AGAP1: variants seen among roughly 807,000 people sequenced by gnomAD.
The protein encoded by AGAP1 is arf-GAP with GTPase, ANK repeat and PH domain-containing protein 1.
In AGAP1, 29 loss-of-function variants were observed where a neutral mutation model predicts 105.3. That is an observed-to-expected ratio of 0.28 (90% CI 0.21 to 0.38). The LOEUF is 0.38. Among genes scored for constraint, AGAP1 ranks in the 10% least tolerant of loss-of-function variants. AGAP1 has a pLI of 1.00. For missense variants in AGAP1, 998 were observed against 1,165.1 expected, an observed-to-expected ratio of 0.86 and a Z score of 2.09; for synonymous variants, 509 against 485.9, an observed-to-expected ratio of 1.05 and a Z score of -0.63.
In AGAP1 at chr2:235,701,695, C is replaced by T. The variant is rs540842321; in HGVS notation, c.164-7484C>T. On this transcript the variant is annotated intron_variant, in intron 1 of 17. Transcript: ENST00000304032. This position sits in a 1 kb window ranked among gnomAD's most constrained non-coding sequence, Gnocchi z 4.1. ...GCTGGTGAACTTCTGCTAAGTCCTA[C>T]ATTTGAAAGTCATCAGCGGATTATG... is the stretch of plus-strand genomic sequence containing the variant. Among the ~76,000 whole-genome samples, 173 of 152,302 alleles carry T rather than the reference C, an allele frequency of 1.1e-3. No homozygotes were observed. Among genetic ancestry groups the T allele is most frequent in the Non-Finnish European group, 2.2e-3 (149 of 68,022 alleles).
rs1338476576 is a variant in AGAP1, at chr2:235,692,201, C to T, written c.164-16978C>T. Among the ~76,000 whole-genome samples the T allele has an allele frequency of 6.6e-6, 1 of 152,128 alleles. No homozygotes were observed. The highest frequency in any genetic ancestry group is 1.5e-5 in the Non-Finnish European group (1 of 68,010). Reference sequence around the variant, plus strand: ...GGCAGATGCCCCTACCTGGCCAGGTCTCGTCGTGTCTAGGTGGTGACAGCC... The same window carrying T: ...GGCAGATGCCCCTACCTGGCCAGGTTTCGTCGTGTCTAGGTGGTGACAGCC... On this transcript the variant is annotated intron_variant, in intron 1 of 17. Coordinates refer to ENST00000304032, the MANE Select transcript of AGAP1 (RefSeq NM_001037131.3). This position sits in a 1 kb window ranked among gnomAD's most constrained non-coding sequence, Gnocchi z 5.8.
intron 1 of AGAP1, among the ~76,000 whole-genome samples, chr2:235,544,174 G>T (rs1357887027): frequency 6.6e-6 from 1 of 152,216 alleles, no homozygotes; most frequent in Non-Finnish European, 1.5e-5. Flanking sequence ...ATGTCTTTAT[G>T]AGGGGTGACA....
intron 5 of AGAP1, among the ~76,000 whole-genome samples, chr2:235,746,377 C>CTTTTTCTTTTTTT (rs1553620164): frequency 1.3e-4 from 7 of 55,546 alleles, no homozygotes; most frequent in Non-Finnish European, 2.1e-4. Flanking sequence ...CCTCCCCCAA[C>CTTTTTCTTTTTTT]TTTTTTTTTT....
Position 235,700,834 on chromosome 2 carries a change from A to T in AGAP1, c.164-8345A>T, listed in dbSNP as rs1402202610. Among the ~76,000 whole-genome samples, 1 of 148,568 alleles carries T rather than the reference A, an allele frequency of 6.7e-6. No homozygotes were observed. The highest frequency in any genetic ancestry group is 2.5e-5 in the African/African-American group (1 of 40,690). Reference sequence around the variant, plus strand: ...CTCTCTCTCTCTGTGTATATATAGTATATATTATATATGTATATATTGTAT... The same window carrying T: ...CTCTCTCTCTCTGTGTATATATAGTTTATATTATATATGTATATATTGTAT... On this transcript the variant is annotated intron_variant, in intron 1 of 17. Transcript: ENST00000304032. This position sits in a 1 kb window ranked among gnomAD's most constrained non-coding sequence, Gnocchi z 6.1.
At position 235,864,814 on chromosome 2, in the gene AGAP1, AC is replaced by A. The variant is rs2049082919; in HGVS notation, c.1051-18527del. 6.6e-6 allele frequency among the ~76,000 whole-genome samples: 1 copy of A among 152,014 alleles called. No homozygotes were observed. Among genetic ancestry groups the A allele is most frequent in the Non-Finnish European group, 1.5e-5 (1 of 68,004 alleles). ...GGAGGAGGTTTGGTTTGGTCTTAGT[AC>A]CCCAGCATACAGTAGCTTCATTGGC... On this transcript the variant is annotated intron_variant, in intron 9 of 17. Transcript: ENST00000304032. This position sits in a 1 kb window ranked among gnomAD's most constrained non-coding sequence, Gnocchi z 5.0.
At chr2:235,986,498 C>T (rs1271342259) in intron 13 of AGAP1, among the ~76,000 whole-genome samples, 2 of 152,108 alleles carry the variant, frequency 1.3e-5, no homozygotes, top group Non-Finnish European at 2.9e-5. Flanking sequence ...ACCAGAAATT[C>T]CATTACTATG....
intron 11 of AGAP1, among the ~76,000 whole-genome samples, chr2:235,923,300 C>G (rs2052275224): frequency 6.6e-6 from 1 of 152,200 alleles, no homozygotes; most frequent in Non-Finnish European, 1.5e-5. Context: ...CCTTGTACAA[C>G]CCTGTTCTGT....
At chr2:235,778,180 C>A (rs546736895) in intron 6 of AGAP1, among the ~76,000 whole-genome samples, 160 of 152,316 alleles carry the variant, frequency 1.1e-3, no homozygotes, top group African/African-American at 3.8e-3. Context: ...CCCCTCCCTT[C>A]CTCCCTGTGG....
rs992116984 is a variant in AGAP1 at position 235,887,755 on chromosome 2, C to G, written c.1155+4306C>G. Among the ~76,000 whole-genome samples the G allele has an allele frequency of 6.6e-6, 1 of 152,158 alleles. No homozygotes were observed. Among genetic ancestry groups the G allele is most frequent in the Non-Finnish European group, 1.5e-5 (1 of 68,042 alleles). On this transcript the variant is annotated intron_variant, in intron 10 of 17. Transcript: ENST00000304032. The surrounding 1 kb of genome is among the most constrained non-coding windows in gnomAD (Gnocchi z 4.1). ...CAATAGTGAGGTTGCTGCACCGATTCCTGGTGTATACCACTAATTTAAGAA... is the reference window on the plus strand; with the variant it reads ...CAATAGTGAGGTTGCTGCACCGATTGCTGGTGTATACCACTAATTTAAGAA...
Position 235,543,303 on chromosome 2 carries a change from C to T in AGAP1, c.163+48454C>T, listed in dbSNP as rs142706761. On this transcript the variant is annotated intron_variant, in intron 1 of 17. Coordinates refer to ENST00000304032, the MANE Select transcript of AGAP1 (RefSeq NM_001037131.3). ...AGCCAGGCAGCATCAGTGAGAAATG[C>T]CTAGTCGGAAGGTACCCGTTGTTCA... Among the ~76,000 whole-genome samples, 756 of 152,272 alleles carry T rather than the reference C, an allele frequency of 5.0e-3. 9 individuals carry two copies. The highest frequency in any genetic ancestry group is 0.017 in the Middle Eastern group (5 of 294).
At chr2:235,853,034 C>A in intron 9 of AGAP1, 2 of 1,243,700 alleles carry the variant, frequency 1.6e-6, no homozygotes, top group Non-Finnish European at 2.0e-6. Flanking sequence ...CACAAAAGAC[C>A]CCTTAATTTC....
rs529414984 is a variant in AGAP1, at chr2:235,828,961, G to C, written c.1050+21630G>C. Among the ~76,000 whole-genome samples the C allele has an allele frequency of 3.9e-5, 6 of 152,298 alleles. No individual in the cohort carries two copies. In the East Asian group the frequency reaches 9.7e-4, roughly 25 times the overall value. ...CAGAGTTCTGAGCCTCAGTTTTGGG[G>C]GTCAGGTGTCATTGTCTTAAGATGC... On this transcript the variant is annotated intron_variant, in intron 9 of 17. Transcript: ENST00000304032.
intron 1 of AGAP1, among the ~76,000 whole-genome samples, chr2:235,644,352 G>C (rs1020494347): frequency 6.6e-6 from 1 of 152,210 alleles, no homozygotes; most frequent in African/African-American, 2.4e-5. Context: ...CCTCTTCACG[G>C]ATGTGTGTGT....
chr2:235,950,925 G>A (rs1419939930), intron 12 of AGAP1, among the ~76,000 whole-genome samples: 2 of 131,282 alleles, frequency 1.5e-5, no homozygotes, highest in African/African-American at 2.7e-5. Flanking sequence ...TTTTTGGCTG[G>A]ACAGCCCAAA....
At chr2:236,037,873 T>A (rs887116088) in intron 14 of AGAP1, among the ~76,000 whole-genome samples, 2 of 152,206 alleles carry the variant, frequency 1.3e-5, no homozygotes, top group South Asian at 4.1e-4. Flanking sequence ...CAGACTATGA[T>A]CAACTAGAAA....
intron 16 of AGAP1, among the ~76,000 whole-genome samples, chr2:236,068,159 C>T (rs2125784209): frequency 6.6e-6 from 1 of 152,256 alleles, no homozygotes; most frequent in East Asian, 1.9e-4. Context: ...GTAATCCCAG[C>T]TACTCGGAGG....
Position 235,612,633 on chromosome 2 carries a change from G to A in AGAP1, c.164-96546G>A, listed in dbSNP as rs1247426549. Among the ~76,000 whole-genome samples the A allele has an allele frequency of 6.6e-6, 1 of 152,222 alleles. No individual in the cohort carries two copies. On this transcript the variant is annotated intron_variant, in intron 1 of 17. Coordinates refer to ENST00000304032, the MANE Select transcript of AGAP1 (RefSeq NM_001037131.3). This position sits in a 1 kb window ranked among gnomAD's most constrained non-coding sequence, Gnocchi z 4.3. ...ATGCATGAAACTCATGTTAAGAACA[G>A]TTGTGGTTCACGTGTACCAAACTTG...
At chr2:235,870,327 G>C (rs1305032798) in intron 9 of AGAP1, among the ~76,000 whole-genome samples, 1 of 152,190 alleles carries the variant, frequency 6.6e-6, no homozygotes, top group East Asian at 1.9e-4. Context: ...AGGAACAGGA[G>C]AACTGCAGCA....
chr2:236,106,965 G>A (rs1293999785), intron 16 of AGAP1, among the ~76,000 whole-genome samples: 1 of 152,184 alleles, frequency 6.6e-6, no homozygotes, highest in African/African-American at 2.4e-5. Context: ...GTGGGAAGCT[G>A]GGCCAAGGCC....
Sources: gnomAD v4.1 joint callset for allele counts (sites outside exome capture counted in the v4.1 genomes callset) on GRCh38, gnomAD v4.1.1 for gene constraint, Gnocchi (gnomAD v3.1) non-coding constraint, MANE v1.5 for transcripts, NCBI Gene and HGNC (gene_info 2026-07-23, HGNC 2026-07-21) for gene names.